DLG2: variants seen among roughly 807,000 people sequenced by gnomAD.
DLG2 encodes disks large homolog 2.
DLG2 carries 45 observed loss-of-function variants against 132.5 expected under a neutral mutation model. The observed-to-expected ratio is 0.34, with a 90% CI of 0.27 to 0.44. The LOEUF (loss-of-function observed/expected upper bound fraction) is 0.44, where lower values mean the gene tolerates loss of function less well. DLG2 is among the 20% of genes least tolerant of loss of function. DLG2 has a pLI of 1.00. For synonymous variants in DLG2, 424 were observed against 419.6 expected, an observed-to-expected ratio of 1.01 and a Z score of -0.13; for missense variants, 1,045 against 1,196.9, an observed-to-expected ratio of 0.87 and a Z score of 1.87.
chr11:83,712,764 G>T (rs903560070), intron 18 of DLG2, among the ~76,000 whole-genome samples: 2 of 152,088 alleles, frequency 1.3e-5, no homozygotes, highest in Non-Finnish European at 2.9e-5. Flanking sequence ...TGAATGATGA[G>T]AATACATGGA....
At chr11:85,457,407 C>G (rs1242904830) in intron 3 of DLG2, among the ~76,000 whole-genome samples, 1 of 152,066 alleles carries the variant, frequency 6.6e-6, no homozygotes, top group Non-Finnish European at 1.5e-5. Context: ...CACTCTGTGC[C>G]TTTTAACTGG....
chr11:83,683,031 C>T (rs892971391), intron 18 of DLG2, among the ~76,000 whole-genome samples: 13 of 152,088 alleles, frequency 8.5e-5, no homozygotes, highest in Non-Finnish European at 1.2e-4. Flanking sequence ...GCCCAGCAAA[C>T]GAGAAGACTG....
intron 7 of DLG2, among the ~76,000 whole-genome samples, chr11:84,356,770 C>T (rs189049132): frequency 6.6e-6 from 1 of 151,470 alleles, no homozygotes; most frequent in Admixed American, 6.6e-5. Flanking sequence ...TCAGATAATG[C>T]CAGGGTAGAG....
chr11:85,510,840 A>T (rs2094048021), intron 3 of DLG2, among the ~76,000 whole-genome samples: 1 of 152,218 alleles, frequency 6.6e-6, no homozygotes, highest in South Asian at 2.1e-4. Context: ...TAGAACTAGA[A>T]ATACCATTTG....
intron 6 of DLG2, among the ~76,000 whole-genome samples, chr11:84,564,822 G>A (rs549819893): frequency 3.9e-5 from 6 of 152,270 alleles, no homozygotes; most frequent in Non-Finnish European, 7.4e-5. Context: ...AGTTACCAAA[G>A]AAGTTAATTC....
intron 3 of DLG2, among the ~76,000 whole-genome samples, chr11:85,296,028 G>C (rs992505211): frequency 2.0e-5 from 3 of 152,120 alleles, no homozygotes; most frequent in African/African-American, 7.2e-5. Context: ...TCTCAGATTT[G>C]CTTTTTACAT....
chr11:83,964,183 C>G (rs909385970), intron 13 of DLG2, among the ~76,000 whole-genome samples: 2 of 150,054 alleles, frequency 1.3e-5, no homozygotes, highest in Admixed American at 1.3e-4. Context: ...CCTTTTCTGT[C>G]TTTGACATTG....
Position 85,505,570 on chromosome 11 carries a change from G to A in DLG2, c.40+93087C>T, listed in dbSNP as rs142803122. Among the ~76,000 whole-genome samples the A allele has an allele frequency of 9.6e-3, 1,457 of 152,204 alleles. 17 individuals are homozygous for A. The highest frequency in any genetic ancestry group is 0.033 in the African/African-American group (1,369 of 41,540). On this transcript the variant is annotated intron_variant, in intron 3 of 27. Coordinates refer to ENST00000376104, the MANE Select transcript of DLG2 (RefSeq NM_001142699.3). ...AGCCTTGCATCCCAGAGCTGAAGCC[G>A]ACTTGATGGTGGTGGATAAGATTTC...
intron 3 of DLG2, among the ~76,000 whole-genome samples, chr11:85,471,037 A>T (rs2092968856): frequency 6.6e-6 from 1 of 152,172 alleles, no homozygotes; most frequent in African/African-American, 2.4e-5. Context: ...CATTTGAAAG[A>T]CTAGGTTTCT....
At chr11:84,827,119 T>C (rs1387330910) in intron 6 of DLG2, among the ~76,000 whole-genome samples, 5 of 151,702 alleles carry the variant, frequency 3.3e-5, no homozygotes, top group African/African-American at 4.8e-5. Flanking sequence ...ACTCAATATA[T>C]AGTTGAGGAA....
chr11:85,034,234 T>C (rs970135164), intron 6 of DLG2, among the ~76,000 whole-genome samples: 7 of 152,036 alleles, frequency 4.6e-5, no homozygotes, highest in Admixed American at 2.6e-4. Flanking sequence ...CCTGCCACCA[T>C]GCCCGGCTAA....
chr11:85,312,209 C>T (rs1316665469), intron 3 of DLG2, among the ~76,000 whole-genome samples: 1 of 151,826 alleles, frequency 6.6e-6, no homozygotes, highest in Non-Finnish European at 1.5e-5. Context: ...GTGTCTTATT[C>T]AGTTTTGTAT....
intron 6 of DLG2, among the ~76,000 whole-genome samples, chr11:84,895,431 C>A (rs544290981): frequency 6.6e-6 from 1 of 152,180 alleles, no homozygotes; most frequent in East Asian, 1.9e-4. Flanking sequence ...ACTCAAGAAT[C>A]AAATAAGGTC....
intron 11 of DLG2, among the ~76,000 whole-genome samples, chr11:84,023,668 C>A (rs925442704): frequency 6.6e-6 from 1 of 152,074 alleles, no homozygotes; most frequent in African/African-American, 2.4e-5. Flanking sequence ...ATTGGAAAAA[C>A]CCCACAGATG....
intron 6 of DLG2, chr11:85,020,789 C>G (rs2059988914): frequency 1.4e-6 from 1 of 718,358 alleles, no homozygotes; most frequent in Non-Finnish European, 2.6e-6. Flanking sequence ...AAGTCATCCT[C>G]TCCTTCCTCA....
rs371638861 is a variant in DLG2 at position 85,534,962 on chromosome 11, T to G, written c.40+63695A>C. Among the ~76,000 whole-genome samples the G allele has an allele frequency of 3.3e-5, 5 of 152,356 alleles. No homozygotes were observed. In the South Asian group the frequency reaches 1.0e-3, roughly 32 times the overall value. Reference sequence around the variant, plus strand: ...CTAATTTACATTTTCACCAATAGTGTATTAGCGTTCCCTTTTCTCCACAAC... The same window carrying G: ...CTAATTTACATTTTCACCAATAGTGGATTAGCGTTCCCTTTTCTCCACAAC... On this transcript the variant is annotated intron_variant, in intron 3 of 27. Coordinates refer to ENST00000376104, the MANE Select transcript of DLG2 (RefSeq NM_001142699.3).
At chr11:85,105,287 C>T (rs746260874) in intron 6 of DLG2, among the ~76,000 whole-genome samples, 7 of 151,906 alleles carry the variant, frequency 4.6e-5, no homozygotes, top group Admixed American at 6.6e-5. Flanking sequence ...TTTCAAAGAT[C>T]AGTGTAACAA....
At chr11:84,655,440 C>T (rs2099687000) in intron 6 of DLG2, among the ~76,000 whole-genome samples, 1 of 152,108 alleles carries the variant, frequency 6.6e-6, no homozygotes, top group Admixed American at 6.6e-5. Context: ...TTCTCTTATC[C>T]TGAGTGATTT....
At chr11:83,671,405 T>A (rs1339231561) in intron 18 of DLG2, among the ~76,000 whole-genome samples, 1 of 152,228 alleles carries the variant, frequency 6.6e-6, no homozygotes, top group Non-Finnish European at 1.5e-5. Flanking sequence ...TATCTTTTCA[T>A]CCTTCTACCC....
Sources: gnomAD v4.1 joint callset for allele counts (sites outside exome capture counted in the v4.1 genomes callset) on GRCh38, gnomAD v4.1.1 for gene constraint, MANE v1.5 for transcripts, NCBI Gene and HGNC (gene_info 2026-07-23, HGNC 2026-07-21) for gene names.